The following LRCH1 variants were observed in gnomAD, a reference collection of about 807,000 sequenced individuals.
LRCH1 encodes the protein leucine-rich repeat and calponin homology domain-containing protein 1.
In LRCH1, 23 loss-of-function variants were observed where a neutral mutation model predicts 94.9. The ratio of observed to expected loss-of-function variants is 0.24; its 90% CI spans 0.17 to 0.34. The LOEUF is 0.34. Among genes scored for constraint, LRCH1 ranks in the 10% least tolerant of loss-of-function variants. The pLI, the probability that LRCH1 is intolerant of heterozygous loss-of-function variation, is 1.00. For missense variants in LRCH1, 790 were observed against 945.9 expected (o/e 0.84, Z 2.16); for synonymous variants, 364 against 354.9 (o/e 1.03, Z -0.29).
At position 46,594,351 on chromosome 13, in the gene LRCH1, G is replaced by A. The variant is rs1325901430; in HGVS notation, c.307+40648G>A. 3.9e-5 allele frequency among the ~76,000 whole-genome samples: 6 copies of A among 152,122 alleles called. No individual in the cohort carries two copies. The East Asian group carries it at 1.2e-3, about 29-fold the overall frequency. On this transcript the variant is annotated intron_variant, in intron 1 of 19. Coordinates refer to ENST00000389797, the MANE Select transcript of LRCH1 (RefSeq NM_001164211.2). ...TGTAAAAAATACTACTTGCTGATGA[G>A]GTTTGTAAGAACCTCCTAGAACCTT...
intron 8 of LRCH1, among the ~76,000 whole-genome samples, chr13:46,693,091 C>T (rs1421187540): frequency 2.6e-5 from 4 of 151,884 alleles, no homozygotes; most frequent in Non-Finnish European, 5.9e-5. Context: ...CCTGCCTCAG[C>T]CTCCCGAGTA....
intron 1 of LRCH1, among the ~76,000 whole-genome samples, chr13:46,613,261 G>C (rs943288063): frequency 6.6e-6 from 1 of 151,890 alleles, no homozygotes; most frequent in African/African-American, 2.4e-5. Flanking sequence ...GTGGTGGCAC[G>C]TGCCTGTAGT....
At position 46,573,916 on chromosome 13, in the gene LRCH1, G is replaced by A. The variant is rs186606740; in HGVS notation, c.307+20213G>A. ...CTTACTCTATTCCCCAGACTGGAGC[G>A]CAGTGGCATGATCTCAGCTCACTGC... On this transcript the variant is annotated intron_variant, in intron 1 of 19. Coordinates refer to ENST00000389797, the MANE Select transcript of LRCH1 (RefSeq NM_001164211.2). 4.3e-3 allele frequency among the ~76,000 whole-genome samples: 578 copies of A among 135,320 alleles called. 7 individuals carry two copies. The highest frequency in any genetic ancestry group is 0.014 in the African/African-American group (535 of 37,244). 88.8% of individuals were successfully genotyped at this position (135,320 alleles called of 152,430 possible).
rs531633562 is a variant in LRCH1, at chr13:46,690,506, A to G, written c.1014+1310A>G. Reference sequence around the variant, plus strand: ...AACTCATTAATAAAACATTACATAAAGAACTTCATTATCCTTTTGTTGTCA... The same window carrying G: ...AACTCATTAATAAAACATTACATAAGGAACTTCATTATCCTTTTGTTGTCA... On this transcript the variant is annotated intron_variant, in intron 7 of 19. Coordinates refer to ENST00000389797, the MANE Select transcript of LRCH1 (RefSeq NM_001164211.2). 3.9e-5 allele frequency among the ~76,000 whole-genome samples: 6 copies of G among 152,316 alleles called. No individual in the cohort carries two copies. In the East Asian group the frequency reaches 1.2e-3, roughly 29 times the overall value.
At chr13:46,653,445 G>A (rs2051332302) in intron 2 of LRCH1, among the ~76,000 whole-genome samples, 1 of 152,126 alleles carries the variant, frequency 6.6e-6, no homozygotes, top group Admixed American at 6.5e-5. Flanking sequence ...ATCCTCTAAA[G>A]TTTTTGAAAG....
At chr13:46,648,280 C>T (rs1424208555) in intron 1 of LRCH1, among the ~76,000 whole-genome samples, 1 of 152,184 alleles carries the variant, frequency 6.6e-6, no homozygotes, top group Non-Finnish European at 1.5e-5. Flanking sequence ...GGAGCTCAGG[C>T]AGTAATGTGA....
chr13:46,680,480 T>G (rs1162948366), intron 3 of LRCH1, among the ~76,000 whole-genome samples: 1 of 151,392 alleles, frequency 6.6e-6, no homozygotes, highest in Admixed American at 6.6e-5. Flanking sequence ...TAGATCAGAG[T>G]GGGAGAGGTG....
chr13:46,667,383 T>G (rs1412379585), intron 2 of LRCH1, among the ~76,000 whole-genome samples: 1 of 152,066 alleles, frequency 6.6e-6, no homozygotes, highest in Non-Finnish European at 1.5e-5. Flanking sequence ...AACTTCTAAT[T>G]GAAGAATGAC....
At chr13:46,573,873 T>A (rs1217293622) in intron 1 of LRCH1, among the ~76,000 whole-genome samples, 16 of 130,010 alleles carry the variant, frequency 1.2e-4, no homozygotes, top group African/African-American at 4.0e-4. Flanking sequence ...TATATTTTTT[T>A]TTTTTTTGAG....
chr13:46,638,152 A>G (rs989587533), intron 1 of LRCH1, among the ~76,000 whole-genome samples: 1 of 152,234 alleles, frequency 6.6e-6, no homozygotes, highest in South Asian at 2.1e-4. Flanking sequence ...TTTGTGACAA[A>G]TATAGTATTT....
intron 3 of LRCH1, among the ~76,000 whole-genome samples, chr13:46,672,663 C>T (rs1234498338): frequency 6.6e-6 from 1 of 152,188 alleles, no homozygotes; most frequent in Admixed American, 6.5e-5. Flanking sequence ...TAAGGGACAC[C>T]CCATGCTTTT....
chr13:46,733,832 G>A (rs1361936463), intron 18 of LRCH1, 89 bp from the exon 19 acceptor site: 4 of 706,504 alleles, frequency 5.7e-6, no homozygotes, highest in Non-Finnish European at 9.3e-6. Context: ...TGTATTGCTT[G>A]TGCCATTTGG....
chr13:46,679,535 T>C (rs1423033978), intron 3 of LRCH1, among the ~76,000 whole-genome samples: 1 of 152,226 alleles, frequency 6.6e-6, no homozygotes, highest in African/African-American at 2.4e-5. Context: ...AATTCTGTAA[T>C]TACTTCCTTT....
At chr13:46,655,369 T>C (rs1259714160) in intron 2 of LRCH1, among the ~76,000 whole-genome samples, 1 of 152,234 alleles carries the variant, frequency 6.6e-6, no homozygotes, top group Non-Finnish European at 1.5e-5. Flanking sequence ...ATGACAGAAA[T>C]GTTATGTTTG....
chr13:46,627,833 C>G (rs1015785140), intron 1 of LRCH1, among the ~76,000 whole-genome samples: 21 of 152,158 alleles, frequency 1.4e-4, no homozygotes, highest in Non-Finnish European at 1.6e-4. Context: ...CGTGTAATTT[C>G]TCTGAGTCAT....
intron 2 of LRCH1, among the ~76,000 whole-genome samples, chr13:46,658,184 T>C (rs900023967): frequency 6.6e-6 from 1 of 152,232 alleles, no homozygotes; most frequent in Non-Finnish European, 1.5e-5. Flanking sequence ...TATAATTGGT[T>C]CCCATTGTTA....
At chr13:46,632,271 G>A (rs1414303791) in intron 1 of LRCH1, among the ~76,000 whole-genome samples, 2 of 151,928 alleles carry the variant, frequency 1.3e-5, no homozygotes, top group Non-Finnish European at 2.9e-5. Context: ...CAAAATAAGT[G>A]CTTAATAATA....
At chr13:46,573,932 A>T (rs2137925512) in intron 1 of LRCH1, among the ~76,000 whole-genome samples, 1 of 142,402 alleles carries the variant, frequency 7.0e-6, no homozygotes, top group Admixed American at 7.4e-5. Context: ...GCATGATCTC[A>T]GCTCACTGCA....
At chr13:46,588,150 A>G (rs1009059282) in intron 1 of LRCH1, among the ~76,000 whole-genome samples, 1 of 152,190 alleles carries the variant, frequency 6.6e-6, no homozygotes, top group African/African-American at 2.4e-5. Flanking sequence ...AGTCATTTAT[A>G]TTTATAACAT....
Sources: gnomAD v4.1 joint callset for allele counts (sites outside exome capture counted in the v4.1 genomes callset) on GRCh38, gnomAD v4.1.1 for gene constraint, MANE v1.5 for transcripts, NCBI Gene and HGNC (gene_info 2026-07-23, HGNC 2026-07-21) for gene names.